UBE3C: variants seen among roughly 807,000 people sequenced by gnomAD.
UBE3C encodes the protein ubiquitin protein ligase E3C, also known as ubiquitin-protein ligase E3C.
UBE3C carries 42 observed loss-of-function variants against 129.4 expected under a neutral mutation model. That is an observed-to-expected ratio of 0.32 (90% CI 0.25 to 0.42). The LOEUF (loss-of-function observed/expected upper bound fraction) is 0.42. Ranked by LOEUF, UBE3C falls within the 10% of genes least tolerant of loss-of-function variation. UBE3C has a pLI of 1.00. For synonymous variants in UBE3C, 510 were observed against 492.4 expected, an observed-to-expected ratio of 1.04 and a Z score of -0.47; for missense variants, 1,049 against 1,319.1, an observed-to-expected ratio of 0.80 and a Z score of 3.17.
intron 10 of UBE3C, chr7:157,189,291 C>T (rs1490847810): frequency 4.3e-6 from 1 of 232,154 alleles, no homozygotes; most frequent in African/African-American, 2.2e-5. Context: ...AATGAATTGC[C>T]AGCTCCTTTT....
intron 22 of UBE3C, among the ~76,000 whole-genome samples, chr7:157,264,516 TACACAC>T (rs139639074): frequency 6.7e-5 from 8 of 120,212 alleles, no homozygotes; most frequent in Admixed American, 3.2e-4. Context: ...CTCGGCCTGT[TACACAC>T]ACACACACAC....
chr7:157,228,837 C>T (rs1795945667), intron 17 of UBE3C, among the ~76,000 whole-genome samples: 1 of 152,202 alleles, frequency 6.6e-6, no homozygotes, highest in African/African-American at 2.4e-5. Flanking sequence ...CTATTTGACA[C>T]ATATCATAGA....
At chr7:157,195,076 C>T (rs1317416788) in intron 10 of UBE3C, among the ~76,000 whole-genome samples, 2 of 152,208 alleles carry the variant, frequency 1.3e-5, no homozygotes, top group Non-Finnish European at 2.9e-5. Flanking sequence ...GCTGTATAAC[C>T]TTCTGCTAAT....
intron 8 of UBE3C, among the ~76,000 whole-genome samples, chr7:157,183,396 C>G (rs1188966825): frequency 6.6e-6 from 1 of 152,144 alleles, no homozygotes; most frequent in African/African-American, 2.4e-5. Context: ...GAATGGGGAG[C>G]TTCCATGCCT....
chr7:157,222,996 G>A (rs1021105832), intron 15 of UBE3C: 6 of 375,672 alleles, frequency 1.6e-5, no homozygotes, highest in African/African-American at 1.3e-4. Context: ...AGACGTGCTA[G>A]ACAGCTGGAG....
At chr7:157,156,235 A>G (rs756128317) in intron 1 of UBE3C, among the ~76,000 whole-genome samples, 2 of 150,424 alleles carry the variant, frequency 1.3e-5, no homozygotes, top group African/African-American at 2.4e-5. Context: ...GATCATTCAG[A>G]TGGGAATGTA....
At chr7:157,139,722 G>C (rs867593510) in intron 1 of UBE3C, among the ~76,000 whole-genome samples, 1 of 152,382 alleles carries the variant, frequency 6.6e-6, no homozygotes, top group African/African-American at 2.4e-5. Context: ...TGCCACCCAA[G>C]GTGAACTTAC....
intron 13 of UBE3C, among the ~76,000 whole-genome samples, chr7:157,211,933 G>C (rs1809607509): frequency 1.3e-5 from 2 of 152,224 alleles, no homozygotes; most frequent in Non-Finnish European, 2.9e-5. Context: ...CAGGAGAGAA[G>C]CACCAGCTGC....
chr7:157,181,403 G>T (rs1311947530), intron 6 of UBE3C, 115 bp from the exon 7 acceptor site: 4 of 891,248 alleles, frequency 4.5e-6, no homozygotes, highest in Admixed American at 3.4e-5. Context: ...GCATGTTAAA[G>T]AACTAACTTA....
At chr7:157,169,553 G>T (rs1808309610) in intron 3 of UBE3C, among the ~76,000 whole-genome samples, 1 of 151,926 alleles carries the variant, frequency 6.6e-6, no homozygotes, top group African/African-American at 2.4e-5. Flanking sequence ...TTTTTGTATT[G>T]TTAGTAGAGT....
Position 157,201,793 on chromosome 7 carries a change from A to G in UBE3C, c.1404A>G (p.Thr468=). ...GGTTTCTAATATCTTCCATGTCAAC[A>G]CGGATGATCACAGGGTATGTATTAT... ...HLWFLISSMS[T]RMITGSMVPL... The change falls in exon 11 of 23, where the codon ACA becomes ACG. Residue 468 remains threonine (T), a synonymous_variant. Transcript: ENST00000348165. 3 of 1,611,216 alleles carry G rather than the reference A, an allele frequency of 1.9e-6. No individual in the cohort carries two copies. The highest frequency in any genetic ancestry group is 2.5e-6 in the Non-Finnish European group (3 of 1,178,842).
At chr7:157,198,096 G>C in intron 10 of UBE3C, 1 of 1,612,286 alleles carries the variant, frequency 6.2e-7, no homozygotes, top group South Asian at 1.1e-5. Context: ...TTGAGCATTT[G>C]TTGGTTCATT....
At chr7:157,230,419 G>T (rs573135668) in intron 17 of UBE3C, among the ~76,000 whole-genome samples, 3 of 151,002 alleles carry the variant, frequency 2.0e-5, no homozygotes, top group Non-Finnish European at 4.4e-5. Flanking sequence ...ATTACAGGCC[G>T]GGCACGGTGG....
intron 15 of UBE3C, chr7:157,222,911 G>T: frequency 4.3e-6 from 1 of 232,088 alleles, no homozygotes; most frequent in Non-Finnish European, 8.5e-6. Context: ...GTCGGGGGTG[G>T]CCAGGGCACC....
intron 2 of UBE3C, among the ~76,000 whole-genome samples, chr7:157,166,632 C>T (rs1435058622): frequency 6.6e-6 from 1 of 151,036 alleles, no homozygotes; most frequent in Non-Finnish European, 1.5e-5. Flanking sequence ...CCCAGCTCCT[C>T]GGGAGCCTGA....
intron 22 of UBE3C, among the ~76,000 whole-genome samples, chr7:157,266,886 C>T (rs1797091779): frequency 6.6e-6 from 1 of 151,976 alleles, no homozygotes; most frequent in South Asian, 2.1e-4. Flanking sequence ...AGGGGCAGAC[C>T]ACCACACCTG....
At chr7:157,217,382 C>G (rs957953046) in intron 14 of UBE3C, 4 of 167,690 alleles carry the variant, frequency 2.4e-5, no homozygotes, top group Middle Eastern at 2.8e-3. Flanking sequence ...AAACTCCCAG[C>G]CTGAAGTGAT....
chr7:157,212,154 C>T (rs1809612999), intron 13 of UBE3C, among the ~76,000 whole-genome samples: 1 of 151,650 alleles, frequency 6.6e-6, no homozygotes, highest in African/African-American at 2.4e-5. Context: ...TTGTATTTTG[C>T]TTTTTAAAGA....
At chr7:157,199,540 G>A (rs987164565) in intron 10 of UBE3C, among the ~76,000 whole-genome samples, 2 of 150,100 alleles carry the variant, frequency 1.3e-5, no homozygotes, top group Admixed American at 6.7e-5. Context: ...GTGTGATCTC[G>A]GCTCACTGCA....
Sources: gnomAD v4.1 joint callset for allele counts (sites outside exome capture counted in the v4.1 genomes callset) on GRCh38, gnomAD v4.1.1 for gene constraint, MANE v1.5 for transcripts, NCBI Gene and HGNC (gene_info 2026-07-23, HGNC 2026-07-21) for gene names.